The following GDA variants were observed in gnomAD, a reference collection of about 807,000 sequenced individuals.
GDA encodes guanine deaminase, also known as cytoplasmic PSD-95 interactor.
Under a neutral mutation model 59.6 loss-of-function variants are expected in GDA, and 18 were observed. The ratio of observed to expected loss-of-function variants is 0.30; its 90% CI spans 0.21 to 0.45. The LOEUF (loss-of-function observed/expected upper bound fraction) is 0.45, where lower values mean the gene tolerates loss of function less well. Ranked by LOEUF, GDA falls within the 20% of genes least tolerant of loss-of-function variation. The pLI is 1.00. For synonymous variants in GDA, 201 were observed against 201.1 expected, an observed-to-expected ratio of 1.00 and a Z score of 0.00; for missense variants, 427 against 552.3, an observed-to-expected ratio of 0.77 and a Z score of 2.27.
Position 72,245,139 on chromosome 9 carries a change from T to A in GDA, c.1136-9T>A. 6.2e-7 allele frequency: 1 copy of A among 1,613,568 alleles called. No homozygotes were observed. The highest frequency in any genetic ancestry group is 8.5e-7 in the Non-Finnish European group (1 of 1,179,604). Reference sequence around the variant, plus strand: ...CAATCCTGACTGTTTATTCACTTGTTCTCAATAGCCCTGGGGCTGGATGGT... The same window carrying A: ...CAATCCTGACTGTTTATTCACTTGTACTCAATAGCCCTGGGGCTGGATGGT... On this transcript the variant is annotated splice_polypyrimidine_tract_variant and intron_variant, in intron 11 of 13. Coordinates refer to ENST00000358399, the MANE Select transcript of GDA (RefSeq NM_004293.5).
chr9:72,151,912 A>G (rs1463438155), intron 1 of GDA, among the ~76,000 whole-genome samples: 1 of 152,122 alleles, frequency 6.6e-6, no homozygotes, highest in Non-Finnish European at 1.5e-5. Flanking sequence ...AATGATCTGT[A>G]AATTTTTACT....
intron 8 of GDA, among the ~76,000 whole-genome samples, chr9:72,226,597 C>T (rs1263413593): frequency 6.6e-6 from 1 of 152,172 alleles, no homozygotes; most frequent in Non-Finnish European, 1.5e-5. Flanking sequence ...ATGAAATGTA[C>T]AAACCGCATG....
At chr9:72,135,409 C>A (rs1450888075) in intron 1 of GDA, among the ~76,000 whole-genome samples, 2 of 152,120 alleles carry the variant, frequency 1.3e-5, no homozygotes, top group Non-Finnish European at 2.9e-5. Flanking sequence ...TATTCTCATG[C>A]TGAGAAAGTG....
intron 1 of GDA, among the ~76,000 whole-genome samples, chr9:72,121,507 G>C (rs990993820): frequency 6.6e-6 from 1 of 152,212 alleles, no homozygotes; most frequent in African/African-American, 2.4e-5. Flanking sequence ...TGAGGCAGGA[G>C]AATCACTTGA....
At chr9:72,190,776 A>G (rs1192067244) in intron 1 of GDA, among the ~76,000 whole-genome samples, 1 of 151,876 alleles carries the variant, frequency 6.6e-6, no homozygotes, top group East Asian at 1.9e-4. Context: ...ATATCTGTAC[A>G]TAGATTTAAG....
chr9:72,123,119 T>G (rs576547078), intron 1 of GDA, among the ~76,000 whole-genome samples: 1 of 152,286 alleles, frequency 6.6e-6, no homozygotes. Flanking sequence ...GTTATTCTTC[T>G]TGCTTATCTC....
chr9:72,229,417 G>A (rs183893502), intron 9 of GDA, among the ~76,000 whole-genome samples: 208 of 152,212 alleles, frequency 1.4e-3, no homozygotes, highest in African/African-American at 4.7e-3. Context: ...GGAAGGGAAA[G>A]AAGTCAGTGA....
At chr9:72,201,942 G>A (rs570455983) in intron 2 of GDA, among the ~76,000 whole-genome samples, 13 of 152,204 alleles carry the variant, frequency 8.5e-5, no homozygotes, top group African/African-American at 2.9e-4. Context: ...CTCCCTCTTC[G>A]CTTCACTACT....
downstream of GDA, among the ~76,000 whole-genome samples, chr9:72,254,170 T>C (rs888326332): frequency 4.0e-5 from 6 of 151,050 alleles, no homozygotes; most frequent in African/African-American, 1.2e-4. Context: ...ATGACAGTAT[T>C]TTAAAGTGTA....
In GDA at chr9:72,143,636, C is replaced by T. The variant is rs939108616; in HGVS notation, c.-100+28803C>T. Among the ~76,000 whole-genome samples, 17 of 152,274 alleles carry T rather than the reference C, an allele frequency of 1.1e-4. No homozygotes were observed. In the East Asian group the frequency reaches 1.2e-3, roughly 10 times the overall value. ...AAGTCAAGTTGCAACTCATTCCTCTCGTTCTGTTTTCCCTTTTTCTATAAA... is the reference window on the plus strand; with the variant it reads ...AAGTCAAGTTGCAACTCATTCCTCTTGTTCTGTTTTCCCTTTTTCTATAAA... On this transcript the variant is annotated intron_variant, in intron 1 of 13. Transcript: ENST00000545168.
At chr9:72,118,721 A>T (rs1355036268) in intron 1 of GDA, among the ~76,000 whole-genome samples, 1 of 152,058 alleles carries the variant, frequency 6.6e-6, no homozygotes, top group Admixed American at 6.6e-5. Context: ...CAAACTGGCA[A>T]TTTTTTTTCT....
chr9:72,226,307 G>A (rs1253628985), intron 8 of GDA, among the ~76,000 whole-genome samples: 1 of 152,090 alleles, frequency 6.6e-6, no homozygotes. Context: ...AAAGAAAGAG[G>A]TATGCAGGCT....
chr9:72,181,131 A>AT (rs1183380861), intron 1 of GDA, among the ~76,000 whole-genome samples: 2 of 152,036 alleles, frequency 1.3e-5, no homozygotes, highest in Non-Finnish European at 2.9e-5. Context: ...CATTTTACTT[A>AT]TTTTTTTGAA....
chr9:72,206,725 G>T (rs1587644440), intron 3 of GDA, among the ~76,000 whole-genome samples: 1 of 151,940 alleles, frequency 6.6e-6, no homozygotes, highest in East Asian at 1.9e-4. Flanking sequence ...GTGAGCCAAG[G>T]TGCACCATTG....
At chr9:72,133,308 A>ATAATAAT (rs1554722432) in intron 1 of GDA, among the ~76,000 whole-genome samples, 25 of 101,552 alleles carry the variant, frequency 2.5e-4, no homozygotes, top group Admixed American at 5.6e-4. Context: ...AAAAAAAAAA[A>ATAATAAT]AATAATAATA....
In GDA at chr9:72,214,141, G is replaced by T; in HGVS notation, c.578+150G>T. 4 of 580,374 alleles carry T rather than the reference G, an allele frequency of 6.9e-6. No homozygotes were observed. In the Middle Eastern group the frequency reaches 1.1e-3, roughly 157 times the overall value. The allele number at this position is 580,374 out of a possible 1,614,324, so 36.0% of individuals were successfully genotyped here. ...CAGAATGTTCTGTTTAATGCAATGG[G>T]TCGGTTAGTCTACAGTGAATTTGAT... On this transcript the variant is annotated intron_variant, in intron 5 of 13. Coordinates refer to ENST00000358399, the MANE Select transcript of GDA (RefSeq NM_004293.5).
At chr9:72,162,624 A>G (rs1265357977) in intron 1 of GDA, among the ~76,000 whole-genome samples, 1 of 152,116 alleles carries the variant, frequency 6.6e-6, no homozygotes, top group East Asian at 1.9e-4. Flanking sequence ...TGGAAAGCCT[A>G]CGAAGGGTGT....
At chr9:72,185,834 T>C (rs895539116) in intron 1 of GDA, among the ~76,000 whole-genome samples, 15 of 152,274 alleles carry the variant, frequency 9.9e-5, no homozygotes, top group Admixed American at 7.2e-4. Context: ...TTGGCTTTAG[T>C]ATTCCCGACA....
chr9:72,137,242 CTT>C lies in GDA; in HGVS notation c.-100+22429_-100+22430del, dbSNP rs143364725. On this transcript the variant is annotated intron_variant, in intron 1 of 13. Transcript: ENST00000545168. ...AAAATTAGGATCCTTTTCTTTTTTT[CTT>C]TTTTTTTTTTTTTTTTTTTGAGACG... Among the ~76,000 whole-genome samples the C allele has an allele frequency of 1.4e-4, 12 of 84,514 alleles. No homozygotes were observed. In the East Asian group the frequency reaches 3.7e-3, roughly 26 times the overall value. 55.4% of individuals were successfully genotyped at this position (84,514 alleles called of 152,430 possible). A position where few individuals can be genotyped will look rare whatever the true frequency, so the allele number is the denominator to read the frequency against.
Sources: allele counts gnomAD v4.1 joint callset (sites outside exome capture counted in the v4.1 genomes callset), GRCh38; gene constraint gnomAD v4.1.1; transcripts MANE v1.5; gene names NCBI Gene and HGNC (gene_info 2026-07-23, HGNC 2026-07-21).